KCNS3: variants seen among roughly 807,000 people sequenced by gnomAD.
The protein encoded by KCNS3 is potassium voltage-gated channel modifier subfamily S member 3, also known as delayed-rectifier potassium channel regulatory subunit KCNS3.
In KCNS3, 13 loss-of-function variants were observed where a neutral mutation model predicts 31.0. The observed-to-expected ratio is 0.42, with a 90% CI of 0.27 to 0.67. The LOEUF (loss-of-function observed/expected upper bound fraction) is 0.67. KCNS3 is among the 30% of genes least tolerant of loss of function. KCNS3 has a pLI of 0.25. For missense variants in KCNS3, 545 were observed against 622.4 expected (o/e 0.88, Z 1.32); for synonymous variants, 238 against 241.5 (o/e 0.99, Z 0.13).
intron 1 of KCNS3, among the ~76,000 whole-genome samples, chr2:17,887,286 G>T (rs1266490722): frequency 6.6e-6 from 1 of 151,846 alleles, no homozygotes; most frequent in Non-Finnish European, 1.5e-5. Context: ...TTCCCCCTGA[G>T]TCCCCAAAGT....
intron 2 of KCNS3, among the ~76,000 whole-genome samples, chr2:17,919,916 AAGG>A (rs1332356511): frequency 1.3e-5 from 2 of 152,148 alleles, no homozygotes; most frequent in South Asian, 2.1e-4. Context: ...GGAGGTTGGT[AAGG>A]AGGAGACATG....
rs753052691 is a variant in KCNS3, at chr2:17,931,930, G to A, written c.922G>A (p.Val308Ile). ...FRILKLARHS[V>I]GLRSLGATLR... The stretch of plus-strand genomic sequence containing the variant: ...AATTCTAAAGCTTGCCCGGCACTCG[G>A]TAGGACTTCGGTCTCTAGGTGCCAC... The change falls in exon 3 of 3, where the codon GTA becomes ATA. Residue 308 changes from valine (V) to isoleucine (I), a missense_variant. Val to Ile is a conservative substitution (Grantham distance 29). Coordinates refer to ENST00000304101, the MANE Select transcript of KCNS3 (RefSeq NM_002252.5). The surrounding 1 kb of genome is among the most constrained non-coding windows in gnomAD (Gnocchi z 5.4). 3 of 1,614,134 alleles carry A rather than the reference G, an allele frequency of 1.9e-6. No individual in the cohort carries two copies. The highest frequency in any genetic ancestry group is 1.7e-6 in the Non-Finnish European group (2 of 1,180,008).
Position 17,928,665 on chromosome 2 carries a change from T to C in KCNS3, c.-59-2285T>C, listed in dbSNP as rs528265942. On this transcript the variant is annotated intron_variant, in intron 2 of 2. Coordinates refer to ENST00000304101, the MANE Select transcript of KCNS3 (RefSeq NM_002252.5). ...TTTATTTGCATGTTAATCTTTATTA[T>C]TTCCTTTTTTTTTTTCAGAGGAGGA... Among the ~76,000 whole-genome samples the C allele has an allele frequency of 5.2e-3, 448 of 85,650 alleles. 6 individuals are homozygous for C. The highest frequency in any genetic ancestry group is 0.019 in the African/African-American group (411 of 21,326). The allele number at this position is 85,650 out of a possible 152,430, so 56.2% of individuals were successfully genotyped here. A position where few individuals can be genotyped will look rare whatever the true frequency, so the allele number is the denominator to read the frequency against.
chr2:17,924,471 A>G (rs1466804606), intron 2 of KCNS3, among the ~76,000 whole-genome samples: 1 of 152,048 alleles, frequency 6.6e-6, no homozygotes, highest in East Asian at 1.9e-4. Context: ...TTTTCATTAA[A>G]TATGTTTTTA....
chr2:17,881,091 G>C (rs575393845), intron 1 of KCNS3, among the ~76,000 whole-genome samples: 5 of 152,154 alleles, frequency 3.3e-5, no homozygotes, highest in Admixed American at 6.5e-5. Context: ...CATAACAACT[G>C]CATGAGGATG....
chr2:17,881,899 T>A (rs1674653179), intron 1 of KCNS3, among the ~76,000 whole-genome samples: 1 of 152,200 alleles, frequency 6.6e-6, no homozygotes, highest in Non-Finnish European at 1.5e-5. Flanking sequence ...GACAAAATGG[T>A]CTGCTTTTCG....
At position 17,894,778 on chromosome 2, in the gene KCNS3, G is replaced by A. The variant is rs116336306; in HGVS notation, c.-252+15972G>A. On this transcript the variant is annotated intron_variant, in intron 1 of 2. Coordinates refer to ENST00000304101, the MANE Select transcript of KCNS3 (RefSeq NM_002252.5). Reference sequence around the variant, plus strand: ...ATCTCCTGAGGCTTGGCCCTGAGCCGGCTAACATCACTGCTGGGCTTGTTG... The same window carrying A: ...ATCTCCTGAGGCTTGGCCCTGAGCCAGCTAACATCACTGCTGGGCTTGTTG... Among the ~76,000 whole-genome samples, 121 of 152,308 alleles carry A rather than the reference G, an allele frequency of 7.9e-4. 1 individual carries two copies. Among genetic ancestry groups the A allele is most frequent in the African/African-American group, 2.7e-3 (114 of 41,556 alleles).
chr2:17,907,480 G>T (rs575607382), intron 1 of KCNS3, among the ~76,000 whole-genome samples: 1 of 152,320 alleles, frequency 6.6e-6, no homozygotes, highest in Non-Finnish European at 1.5e-5. Flanking sequence ...ATATTGTTAT[G>T]TGTGAATTTG....
intron 1 of KCNS3, among the ~76,000 whole-genome samples, chr2:17,879,850 G>T (rs56884760): frequency 6.6e-6 from 1 of 151,998 alleles, no homozygotes; most frequent in African/African-American, 2.4e-5. Context: ...ATGACCCAGG[G>T]GCCCTGGTTT....
intron 1 of KCNS3, among the ~76,000 whole-genome samples, chr2:17,913,905 G>T (rs1459914698): frequency 6.6e-6 from 1 of 152,272 alleles, no homozygotes; most frequent in African/African-American, 2.4e-5. Context: ...CTGTGAATGG[G>T]ACAGCCTCCA....
chr2:17,910,651 T>G (rs571169161), intron 1 of KCNS3, among the ~76,000 whole-genome samples: 1 of 152,156 alleles, frequency 6.6e-6, no homozygotes, highest in African/African-American at 2.4e-5. Context: ...TTTTTAAATG[T>G]TCTAGGAAGA....
intron 1 of KCNS3, among the ~76,000 whole-genome samples, chr2:17,902,780 G>C (rs1299243046): frequency 6.6e-6 from 1 of 152,150 alleles, no homozygotes; most frequent in Non-Finnish European, 1.5e-5. Context: ...TTTAGTATTA[G>C]CCAGGTGGAA....
rs747384113 is a variant in KCNS3 at position 17,931,617 on chromosome 2, C to T, written c.609C>T (p.Cys203=). The change falls in exon 3 of 3, where the codon TGC becomes TGT. Residue 203 remains cysteine (C), a synonymous_variant. Transcript: ENST00000304101. The surrounding 1 kb of genome is among the most constrained non-coding windows in gnomAD (Gnocchi z 5.4). ...TGCTGGCCTCCATCGTGGCCATGTG[C>T]GTTCACAGCATGTCGGAGTTCCAGA... ...SVVLASIVAM[C]VHSMSEFQNE... The T allele has an allele frequency of 3.3e-5, 53 of 1,614,040 alleles. No individual in the cohort carries two copies. The highest frequency in any genetic ancestry group is 3.9e-5 in the Non-Finnish European group (46 of 1,180,040).
intron 1 of KCNS3, among the ~76,000 whole-genome samples, chr2:17,891,022 T>G (rs374462051): frequency 1.8e-4 from 28 of 152,192 alleles, no homozygotes; most frequent in African/African-American, 6.3e-4. Context: ...GTCAGTAGAG[T>G]ATCGATGTCC....
At position 17,913,345 on chromosome 2, in the gene KCNS3, C is replaced by T. The variant is rs187234798; in HGVS notation, c.-251-4335C>T. ...ATTAGTCTCCACAAGGTTGGAACTT[C>T]GGTCAGGAGTGGGCGTATTCAGCAG... On this transcript the variant is annotated intron_variant, in intron 1 of 2. Transcript: ENST00000304101. Among the ~76,000 whole-genome samples the T allele has an allele frequency of 2.2e-4, 34 of 152,346 alleles. No homozygotes were observed. The East Asian group carries it at 4.4e-3, about 20-fold the overall frequency.
chr2:17,921,918 T>TAC (rs1431608364), intron 2 of KCNS3, among the ~76,000 whole-genome samples: 2 of 27,562 alleles, frequency 7.3e-5, no homozygotes, highest in Non-Finnish European at 1.3e-4. Context: ...TGTGTGTGTA[T>TAC]ATATATATAT....
intron 1 of KCNS3, among the ~76,000 whole-genome samples, chr2:17,888,640 T>C (rs930542670): frequency 1.2e-4 from 9 of 77,744 alleles, no homozygotes; most frequent in Non-Finnish European, 2.4e-4. Context: ...TATATATATA[T>C]ATATATATAT....
intron 2 of KCNS3, among the ~76,000 whole-genome samples, chr2:17,922,373 A>T (rs1662738867): frequency 6.6e-6 from 1 of 151,942 alleles, no homozygotes; most frequent in South Asian, 2.1e-4. Context: ...TTTTATTATA[A>T]TTTTAAAAAA....
At chr2:17,926,760 T>C (rs1662847751) in intron 2 of KCNS3, among the ~76,000 whole-genome samples, 1 of 152,224 alleles carries the variant, frequency 6.6e-6, no homozygotes, top group African/African-American at 2.4e-5. Flanking sequence ...TCCTCCAGGC[T>C]TCTAGGCCTG....
Sources: allele counts gnomAD v4.1 joint callset (sites outside exome capture counted in the v4.1 genomes callset), GRCh38; gene constraint gnomAD v4.1.1; non-coding constraint Gnocchi (gnomAD v3.1); transcripts MANE v1.5; gene names NCBI Gene and HGNC (gene_info 2026-07-23, HGNC 2026-07-21).